Variants in SRGAP2C observed in about 807,000 individuals in gnomAD.
SRGAP2C encodes the protein SLIT-ROBO Rho GTPase-activating protein 2C.
Under a neutral mutation model 25.1 loss-of-function variants are expected in SRGAP2C, and 15 were observed. That is an observed-to-expected ratio of 0.60 (90% CI 0.40 to 0.92). The LOEUF (loss-of-function observed/expected upper bound fraction) is 0.92. Ranked by LOEUF, SRGAP2C falls within the 40% of genes least tolerant of loss-of-function variation. The pLI is 0.00. For missense variants in SRGAP2C, 144 were observed against 264.4 expected, an observed-to-expected ratio of 0.54 and a Z score of 3.16; for synonymous variants, 44 against 96.6, an observed-to-expected ratio of 0.46 and a Z score of 3.19.
At chr1:121,223,375 G>GTGTA (rs1268204557) in intron 2 of SRGAP2C, among the ~76,000 whole-genome samples, 1 of 107,640 alleles carries the variant, frequency 9.3e-6, no homozygotes, top group African/African-American at 3.9e-5. Context: ...GTGTGTGTGT[G>GTGTA]TGTGTGTGTG....
rs1205329141 is a variant in SRGAP2C, at chr1:121,258,465, C to CT, written c.68-26321dup. On this transcript the variant is annotated intron_variant, in intron 2 of 9. Coordinates refer to ENST00000367123, the MANE Select transcript of SRGAP2C (RefSeq NM_001329984.2). ...CATCCCCAAATGGTCATCTATCACT[C>CT]TTTTTTTTTTTTTTTTTGAGACGGA... Among the ~76,000 whole-genome samples, 443 of 125,616 alleles carry CT rather than the reference C, an allele frequency of 3.5e-3. 1 individual carries two copies. Among genetic ancestry groups the CT allele is most frequent in the African/African-American group, 0.015 (380 of 25,566 alleles). The allele number at this position is 125,616 out of a possible 152,430, so 82.4% of individuals were successfully genotyped here. A position where few individuals can be genotyped will look rare whatever the true frequency, so the allele number is the denominator to read the frequency against.
chr1:121,231,575 C>T (rs1372355198), intron 2 of SRGAP2C, among the ~76,000 whole-genome samples: 2 of 150,294 alleles, frequency 1.3e-5, no homozygotes, highest in Non-Finnish European at 2.9e-5. Flanking sequence ...TGGGGTTAAG[C>T]CACAGATTTA....
At chr1:121,356,823 T>A (rs1553347704) in intron 4 of SRGAP2C, among the ~76,000 whole-genome samples, 1 of 151,600 alleles carries the variant, frequency 6.6e-6, no homozygotes, top group Non-Finnish European at 1.5e-5. Context: ...TTAGATTTGA[T>A]TGTCTGTTTT....
rs183191768 is a variant in SRGAP2C, at chr1:121,268,293, G to A, written c.68-16510G>A. 4.0e-5 allele frequency among the ~76,000 whole-genome samples: 6 copies of A among 151,274 alleles called. No homozygotes were observed. The East Asian group carries it at 7.8e-4, about 20-fold the overall frequency. On this transcript the variant is annotated intron_variant, in intron 2 of 9. Transcript: ENST00000367123. ...GACTGTGGGGAAGTATGCTTCCAGC[G>A]AAGGGAAGCATATGCAAAGGCCCTG... is the stretch of plus-strand genomic sequence containing the variant.
At chr1:121,271,018 C>T (rs1233868444) in intron 2 of SRGAP2C, among the ~76,000 whole-genome samples, 1 of 151,376 alleles carries the variant, frequency 6.6e-6, no homozygotes, top group Non-Finnish European at 1.5e-5. Context: ...AGGATGGTCT[C>T]GATCTCCTGA....
chr1:121,324,554 C>A lies in SRGAP2C; in HGVS notation c.337C>A (p.His113Asn). The A allele has an allele frequency of 6.2e-7, 1 of 1,611,346 alleles. No individual in the cohort carries two copies. The highest frequency in any genetic ancestry group is 8.5e-7 in the Non-Finnish European group (1 of 1,177,580). Reference protein sequence around the residue: ...LNQVKWESRDHTTLSDIYLNN... With the variant: ...LNQVKWESRDNTTLSDIYLNN... Reference sequence around the variant, plus strand: ...CCAGGTGAAGTGGGAAAGCAGGGACCATACCACCCTGAGTGACATCTACCT... The same window carrying A: ...CCAGGTGAAGTGGGAAAGCAGGGACAATACCACCCTGAGTGACATCTACCT... The change falls in exon 4 of 10, where the codon CAT becomes AAT. Residue 113 changes from histidine to asparagine, a missense_variant. This residue lies in a region of SRGAP2C where 61 missense variants were observed against 61.7 expected (regional missense o/e 0.99). Coordinates refer to ENST00000367123, the MANE Select transcript of SRGAP2C (RefSeq NM_001329984.2).
chr1:121,216,085 T>C (rs1168186006), intron 2 of SRGAP2C, among the ~76,000 whole-genome samples: 13 of 152,298 alleles, frequency 8.5e-5, no homozygotes, highest in Non-Finnish European at 1.6e-4. Context: ...TCCTGTGTTT[T>C]GTCTACCAGC....
At chr1:121,201,757 TAAGA>T (rs1654985249) in intron 2 of SRGAP2C, among the ~76,000 whole-genome samples, 3 of 152,224 alleles carry the variant, frequency 2.0e-5, no homozygotes, top group African/African-American at 7.2e-5. Flanking sequence ...AGATTGAAGA[TAAGA>T]GCGTGATATG....
chr1:121,223,929 T>C (rs1387319636), intron 2 of SRGAP2C, among the ~76,000 whole-genome samples: 1 of 130,408 alleles, frequency 7.7e-6, no homozygotes, highest in Non-Finnish European at 1.6e-5. Context: ...ATTAATAGTC[T>C]GGTCTAAAAT....
chr1:121,235,096 G>A (rs1259829168), intron 2 of SRGAP2C, among the ~76,000 whole-genome samples: 4 of 141,414 alleles, frequency 2.8e-5, no homozygotes, highest in Non-Finnish European at 6.1e-5. Flanking sequence ...ATCTCGGCTC[G>A]CTGCAAGCTC....
At chr1:121,265,770 G>A (rs1227877008) in intron 2 of SRGAP2C, among the ~76,000 whole-genome samples, 2 of 151,562 alleles carry the variant, frequency 1.3e-5, no homozygotes, top group Admixed American at 1.3e-4. Flanking sequence ...AGCCAATTTG[G>A]ATATGTTTAT....
chr1:121,202,057 C>T (rs776279010), intron 2 of SRGAP2C, among the ~76,000 whole-genome samples: 3 of 152,214 alleles, frequency 2.0e-5, no homozygotes, highest in African/African-American at 4.8e-5. Context: ...CCTTTAAAAT[C>T]CTTTCCAGAA....
rs1658086168 is a variant in SRGAP2C, at chr1:121,315,892, A to C, written c.261-8586A>C. The stretch of plus-strand genomic sequence containing the variant: ...TACCCTGTCCTCAAGAGAATTCCTT[A>C]CTGGGCCTGGGGGTTTTTCCTCCTG... On this transcript the variant is annotated intron_variant, in intron 3 of 9. Transcript: ENST00000367123. 3.9e-5 allele frequency among the ~76,000 whole-genome samples: 3 copies of C among 77,100 alleles called. 1 individual carries two copies. The highest frequency in any genetic ancestry group is 6.4e-5 in the African/African-American group (1 of 15,640). 50.6% of individuals were successfully genotyped at this position (77,100 alleles called of 152,430 possible).
chr1:121,286,682 T>C (rs1281432200), intron 3 of SRGAP2C, among the ~76,000 whole-genome samples: 1 of 152,236 alleles, frequency 6.6e-6, no homozygotes, highest in South Asian at 2.1e-4. Context: ...TAGCATGTGA[T>C]TTGTGTGCAC....
chr1:121,238,908 A>T (rs1188976141), intron 2 of SRGAP2C, among the ~76,000 whole-genome samples: 1 of 141,156 alleles, frequency 7.1e-6, no homozygotes, highest in South Asian at 2.4e-4. Context: ...CAGCCTCCCA[A>T]GGTGCTGCGA....
In SRGAP2C at chr1:121,265,896, G is replaced by GT. The variant is rs587627195; in HGVS notation, c.68-18901dup. Among the ~76,000 whole-genome samples the GT allele has an allele frequency of 1.4e-4, 22 of 151,886 alleles. 1 individual carries two copies. In the South Asian group the frequency reaches 4.6e-3, roughly 32 times the overall value. ...GATGTGAATTGGATGGCTTGGTACT[G>GT]TTTTTTATGCTTCTAGTTGACAATT... On this transcript the variant is annotated intron_variant, in intron 2 of 9. Transcript: ENST00000367123.
intron 3 of SRGAP2C, among the ~76,000 whole-genome samples, chr1:121,296,289 AATATTTGTG>A (rs1657597983): frequency 6.6e-6 from 1 of 151,838 alleles, no homozygotes; most frequent in African/African-American, 2.4e-5. Flanking sequence ...AAACTGTGGA[AATATTTGTG>A]ATTTCCAATA....
At chr1:121,265,902 T>G (rs1245126217) in intron 2 of SRGAP2C, among the ~76,000 whole-genome samples, 1 of 151,878 alleles carries the variant, frequency 6.6e-6, no homozygotes, top group Non-Finnish European at 1.5e-5. Context: ...TACTGTTTTT[T>G]ATGCTTCTAG....
chr1:121,270,774 A>G (rs2101547039), intron 2 of SRGAP2C, among the ~76,000 whole-genome samples: 2 of 144,892 alleles, frequency 1.4e-5, no homozygotes, highest in African/African-American at 5.3e-5. Flanking sequence ...TGAATATTTC[A>G]ATATTTAAGA....
Sources: gnomAD v4.1 joint callset for allele counts (sites outside exome capture counted in the v4.1 genomes callset) on GRCh38, gnomAD v4.1.1 for gene constraint, gnomAD v4.1.1 regional missense constraint, MANE v1.5 for transcripts, NCBI Gene and HGNC (gene_info 2026-07-23, HGNC 2026-07-21) for gene names.